Variants in MORN4 observed in about 807,000 individuals in gnomAD.
MORN4 encodes the protein MORN repeat containing 4.
A neutral mutation model predicts 16.4 loss-of-function variants in MORN4; 8 were observed. That is an observed-to-expected ratio of 0.49 (90% CI 0.29 to 0.88). The LOEUF (loss-of-function observed/expected upper bound fraction) is 0.88. Among genes scored for constraint, MORN4 ranks in the 40% least tolerant of loss-of-function variants. The probability of loss-of-function intolerance (pLI) is 0.09; values close to 1 mark genes in which losing one functional copy is unlikely to be tolerated. For synonymous variants in MORN4, 53 were observed against 68.9 expected, an observed-to-expected ratio of 0.77 and a Z score of 1.14; for missense variants, 159 against 182.9, an observed-to-expected ratio of 0.87 and a Z score of 0.75.
chr10:97,614,596 T>C lies in MORN4; in HGVS notation c.*1667A>G, dbSNP rs1169455805. ...TCTTTATTCTTTATAAACACCTTTTTCTACAGTACAATTCAGAGAATAAAT... is the reference window on the plus strand; with the variant it reads ...TCTTTATTCTTTATAAACACCTTTTCCTACAGTACAATTCAGAGAATAAAT... On this transcript the variant is annotated 3_prime_UTR_variant, in exon 5 of 5. Transcript: ENST00000307450. 2 of 152,644 alleles carry C rather than the reference T, an allele frequency of 1.3e-5. No homozygotes were observed. Among genetic ancestry groups the C allele is most frequent in the Non-Finnish European group, 2.9e-5 (2 of 68,038 alleles). The allele number at this position is 152,644 out of a possible 1,614,324, so 9.5% of individuals were successfully genotyped here.
At position 97,619,600 on chromosome 10, in the gene MORN4, G is replaced by T. The variant is rs201927602; in HGVS notation, c.54C>A (p.Gly18=). 6.8e-6 allele frequency: 11 copies of T among 1,613,302 alleles called. No individual in the cohort carries two copies. In the Admixed American group the frequency reaches 1.7e-4, roughly 24 times the overall value. ...FTYSSGEEYR[G]EWKEGRRHGF... ...GGTCCTTCTCACCCTCCTTCCACTC[G>T]CCACGATATTCCTCCCCACTGGAGT... Residue 18 remains glycine, a synonymous_variant, in exon 2 of 5, where the codon GGC becomes GGA. Coordinates refer to ENST00000307450, the MANE Select transcript of MORN4 (RefSeq NM_178832.4).
rs1246690240 is a variant in MORN4 at position 97,617,126 on chromosome 10, T to A, written c.182+82A>T. 92 of 1,050,052 alleles carry A rather than the reference T, an allele frequency of 8.8e-5. 1 individual carries two copies. The highest frequency in any genetic ancestry group is 8.0e-4 in the South Asian group (63 of 79,144). The allele number at this position is 1,050,052 out of a possible 1,614,324, so 65.0% of individuals were successfully genotyped here. A position where few individuals can be genotyped will look rare whatever the true frequency, so the allele number is the denominator to read the frequency against. On this transcript the variant is annotated intron_variant, in intron 3 of 4. Transcript: ENST00000307450. ...GCAGGGAGTGAGACAAGGTCAGGAT[T>A]GACCAGATATTTACCAGAGTCCCAT...
rs150135710 is a variant in MORN4, at chr10:97,623,189, C to T, written c.-30-3506G>A. Among the ~76,000 whole-genome samples, 340 of 152,244 alleles carry T rather than the reference C, an allele frequency of 2.2e-3. 1 individual carries two copies. The highest frequency in any genetic ancestry group is 7.7e-3 in the African/African-American group (318 of 41,544). ...TGGGAACCTGCAGTTTTAATAAGCACATCATTAGATCCTTACTTCAAAGCT... is the reference window on the plus strand; with the variant it reads ...TGGGAACCTGCAGTTTTAATAAGCATATCATTAGATCCTTACTTCAAAGCT... On this transcript the variant is annotated intron_variant, in intron 1 of 4. Coordinates refer to ENST00000307450, the MANE Select transcript of MORN4 (RefSeq NM_178832.4).
chr10:97,619,637 C>G lies in MORN4; in HGVS notation c.17G>C (p.Gly6Ala), dbSNP rs61731937. Reference sequence around the variant, plus strand: ...CTCCCCACTGGAGTAGGTGAAGGAACCTTTTGTCAGGGTCATGGTGACAGA... The same window carrying G: ...CTCCCCACTGGAGTAGGTGAAGGAAGCTTTTGTCAGGGTCATGGTGACAGA... MTLTK[G>A]SFTYSSGEEY... The change falls in exon 2 of 5, where the codon GGT becomes GCT. Residue 6 changes from glycine (G) to alanine (A), a missense_variant. Gly to Ala is a moderately conservative substitution (Grantham distance 60). Coordinates refer to ENST00000307450, the MANE Select transcript of MORN4 (RefSeq NM_178832.4). 30 of 1,613,932 alleles carry G rather than the reference C, an allele frequency of 1.9e-5. No homozygotes were observed. Among genetic ancestry groups the G allele is most frequent in the Non-Finnish European group, 2.5e-5 (30 of 1,179,984 alleles).
intron 1 of MORN4, among the ~76,000 whole-genome samples, chr10:97,623,301 C>G (rs900456277): frequency 3.3e-5 from 5 of 152,104 alleles, no homozygotes; most frequent in African/African-American, 1.2e-4. Context: ...CTCTATCAAC[C>G]AAGCATGGTG....
At position 97,615,996 on chromosome 10, in the gene MORN4, A is replaced by T; in HGVS notation, c.*267T>A. ...AGGTCTTAGGAACAGAGTATCAACC[A>T]GTGAGAAGAGGTGGCTCCTCTGTCC... On this transcript the variant is annotated 3_prime_UTR_variant, in exon 5 of 5. Transcript: ENST00000307450. 3.3e-6 allele frequency: 1 copy of T among 301,686 alleles called. No individual in the cohort carries two copies. Among genetic ancestry groups the T allele is most frequent in the Non-Finnish European group, 6.1e-6 (1 of 164,300 alleles). 18.7% of individuals were successfully genotyped at this position (301,686 alleles called of 1,614,324 possible).
chr10:97,619,551 T>G (rs2041269477), intron 2 of MORN4, 36 bp downstream of exon 2: 1 of 1,444,416 alleles, frequency 6.9e-7, no homozygotes, highest in Admixed American at 1.7e-5. Flanking sequence ...GCAAATGAAG[T>G]GTTCATCATG....
intron 2 of MORN4, 49 bp downstream of exon 2, chr10:97,619,538 C>T (rs1443870246): frequency 1.5e-6 from 2 of 1,372,162 alleles, no homozygotes; most frequent in East Asian, 2.3e-5. Context: ...TATTTGTCCT[C>T]CAGCAAATGA....
At chr10:97,618,208 A>G (rs2041254880) in intron 2 of MORN4, among the ~76,000 whole-genome samples, 1 of 149,772 alleles carries the variant, frequency 6.7e-6, no homozygotes, top group Non-Finnish European at 1.5e-5. Context: ...ATAAATAACA[A>G]TTGCTAACAT....
Position 97,619,748 on chromosome 10 carries a change from A to G in MORN4, c.-30-65T>C, listed in dbSNP as rs538477674. The G allele has an allele frequency of 1.4e-5, 18 of 1,302,676 alleles. No individual in the cohort carries two copies. The African/African-American group carries it at 2.3e-4, about 17-fold the overall frequency. The allele number at this position is 1,302,676 out of a possible 1,614,324, so 80.7% of individuals were successfully genotyped here. A position where few individuals can be genotyped will look rare whatever the true frequency, so the allele number is the denominator to read the frequency against. ...GGCGGGAGGAAAGGACTGCAAGGCA[A>G]TTTTATAGATACATTCTAAAGGCCA... On this transcript the variant is annotated intron_variant, in intron 1 of 4. Transcript: ENST00000307450.
At chr10:97,620,937 A>C (rs12357818) in intron 1 of MORN4, among the ~76,000 whole-genome samples, 319 of 152,256 alleles carry the variant, frequency 2.1e-3, no homozygotes, top group Non-Finnish European at 3.8e-3. Flanking sequence ...CTTGGCCAAC[A>C]TGGTAAAACC....
At chr10:97,616,538 T>A in intron 4 of MORN4, 127 bp from the exon 5 acceptor site, 1 of 1,276,538 alleles carries the variant, frequency 7.8e-7, no homozygotes, top group African/African-American at 1.5e-5. Context: ...TCAGGAGTAC[T>A]CTATTGATGA....
At chr10:97,629,634 C>A (rs1043422404) in intron 1 of MORN4, among the ~76,000 whole-genome samples, 14 of 152,154 alleles carry the variant, frequency 9.2e-5, no homozygotes, top group African/African-American at 3.4e-4. Flanking sequence ...ATGATTCCAG[C>A]CCTCAGCCAT....
At chr10:97,632,741 G>C (rs1385840574) in intron 1 of MORN4, among the ~76,000 whole-genome samples, 1 of 151,464 alleles carries the variant, frequency 6.6e-6, no homozygotes, top group African/African-American at 2.4e-5. Flanking sequence ...TGATGACCTG[G>C]GGGTGATTGG....
At chr10:97,620,500 A>G (rs1465441742) in intron 1 of MORN4, among the ~76,000 whole-genome samples, 1 of 146,972 alleles carries the variant, frequency 6.8e-6, no homozygotes, top group Non-Finnish European at 1.5e-5. Flanking sequence ...AAAAAAAAAA[A>G]AAAAAAAGAA....
upstream of MORN4, chr10:97,633,593 T>A: frequency 7.8e-7 from 1 of 1,289,546 alleles, no homozygotes; most frequent in Non-Finnish European, 1.0e-6. The surrounding 1 kb of genome is among the most constrained non-coding windows in gnomAD (Gnocchi z 4.5). Flanking sequence ...GCCATCTTTG[T>A]GCGGGGCCGA....
chr10:97,629,925 ATTTT>A (rs35892196), intron 1 of MORN4, among the ~76,000 whole-genome samples: 3 of 126,376 alleles, frequency 2.4e-5, no homozygotes, highest in Admixed American at 8.0e-5. Context: ...CGCCCAGCTA[ATTTT>A]TTTTTTTTTT....
chr10:97,632,212 C>CTTTTTT lies in MORN4; in HGVS notation c.-31+1129_-31+1134dup, dbSNP rs1162979185. 3.3e-4 allele frequency among the ~76,000 whole-genome samples: 29 copies of CTTTTTT among 86,978 alleles called. 2 individuals are homozygous for CTTTTTT. The highest frequency in any genetic ancestry group is 8.1e-4 in the South Asian group (2 of 2,458). 57.1% of individuals were successfully genotyped at this position (86,978 alleles called of 152,430 possible). On this transcript the variant is annotated intron_variant, in intron 1 of 4. Transcript: ENST00000307450. ...GAACAAAAAGTCAAATAATACTCCC[C>CTTTTTT]TTTTTTTTTTTTTTTTTTTTTTTTG...
upstream of MORN4, chr10:97,633,566 G>C: frequency 7.8e-7 from 1 of 1,289,858 alleles, no homozygotes; most frequent in Non-Finnish European, 1.0e-6. This position sits in a 1 kb window ranked among gnomAD's most constrained non-coding sequence, Gnocchi z 4.5. Context: ...CTCCGCATTG[G>C]CCCAGCCCGG....
Sources: allele counts gnomAD v4.1 joint callset (sites outside exome capture counted in the v4.1 genomes callset), GRCh38; gene constraint gnomAD v4.1.1; non-coding constraint Gnocchi (gnomAD v3.1); transcripts MANE v1.5; gene names NCBI Gene and HGNC (gene_info 2026-07-23, HGNC 2026-07-21).